Variants in NAV2 observed in about 807,000 individuals in gnomAD.
NAV2 encodes neuron navigator 2.
A neutral mutation model predicts 223.2 loss-of-function variants in NAV2; 54 were observed. The ratio of observed to expected loss-of-function variants is 0.24; its 90% CI spans 0.19 to 0.30. NAV2 has a LOEUF of 0.30. Among genes scored for constraint, NAV2 ranks in the 10% least tolerant of loss-of-function variants. The pLI, the probability that NAV2 is intolerant of heterozygous loss-of-function variation, is 1.00. For missense variants in NAV2, 2,806 were observed against 3,147.5 expected (o/e 0.89, Z 2.60); for synonymous variants, 1,279 against 1,239.3 (o/e 1.03, Z -0.67).
At chr11:19,607,290 C>T (rs1163682853) in intron 1 of NAV2, among the ~76,000 whole-genome samples, 1 of 152,184 alleles carries the variant, frequency 6.6e-6, no homozygotes, top group African/African-American at 2.4e-5. Flanking sequence ...AACGGGGAGC[C>T]CTCTTGGCCC....
intron 1 of NAV2, among the ~76,000 whole-genome samples, chr11:19,365,317 A>T (rs925958130): frequency 6.6e-6 from 1 of 151,616 alleles, no homozygotes; most frequent in Non-Finnish European, 1.5e-5. Flanking sequence ...TTCTTCTCTC[A>T]CTCCTTTCAG....
At chr11:19,671,769 A>G (rs1279671751) in intron 1 of NAV2, among the ~76,000 whole-genome samples, 3 of 152,254 alleles carry the variant, frequency 2.0e-5, no homozygotes, top group Admixed American at 6.5e-5. Flanking sequence ...TGTAAAAACC[A>G]TTCTTAGCTC....
chr11:20,044,808 G>A (rs769494981), intron 13 of NAV2, among the ~76,000 whole-genome samples, 160 bp from the exon 14 acceptor site: 7 of 152,066 alleles, frequency 4.6e-5, no homozygotes, highest in East Asian at 1.9e-4. Flanking sequence ...AAAGGCTCAC[G>A]GTACATTAGT....
intron 1 of NAV2, among the ~76,000 whole-genome samples, chr11:19,831,231 G>GC (rs1229296667): frequency 9.8e-6 from 1 of 101,916 alleles, no homozygotes; most frequent in Non-Finnish European, 2.0e-5. Flanking sequence ...TGCGGGGGGG[G>GC]GGGGGGCGCG....
At chr11:19,406,384 G>T (rs1315937544) in intron 1 of NAV2, among the ~76,000 whole-genome samples, 1 of 152,172 alleles carries the variant, frequency 6.6e-6, no homozygotes, top group African/African-American at 2.4e-5. Context: ...GAAGCACCGC[G>T]CAGAACGGCA....
At chr11:19,898,663 AT>A (rs1354260229) in intron 6 of NAV2, among the ~76,000 whole-genome samples, 2 of 152,228 alleles carry the variant, frequency 1.3e-5, no homozygotes, top group East Asian at 3.9e-4. Flanking sequence ...TGTTTTTTAC[AT>A]GTATATAACC....
At chr11:19,361,046 GAA>G (rs1157964699) in intron 1 of NAV2, among the ~76,000 whole-genome samples, 1 of 151,966 alleles carries the variant, frequency 6.6e-6, no homozygotes, top group East Asian at 1.9e-4. Flanking sequence ...AAAGTCCTGG[GAA>G]AAAGTCCAGA....
At chr11:19,519,570 G>A (rs951502789) in intron 1 of NAV2, among the ~76,000 whole-genome samples, 5 of 152,174 alleles carry the variant, frequency 3.3e-5, no homozygotes, top group African/African-American at 7.2e-5. Context: ...TGCGTGCTCT[G>A]TAACTAGTTG....
intron 1 of NAV2, among the ~76,000 whole-genome samples, chr11:19,684,334 C>T (rs1554994408): frequency 6.6e-6 from 1 of 152,124 alleles, no homozygotes; most frequent in Non-Finnish European, 1.5e-5. Flanking sequence ...GGTATTGACT[C>T]ATGTGTCAAT....
intron 1 of NAV2, among the ~76,000 whole-genome samples, chr11:19,366,177 T>G (rs1417583155): frequency 1.3e-5 from 2 of 151,880 alleles, no homozygotes; most frequent in African/African-American, 4.8e-5. Context: ...CCAGCTGGGG[T>G]GAGGAGTGAG....
At chr11:19,360,654 A>G (rs1211755682) in intron 1 of NAV2, among the ~76,000 whole-genome samples, 1 of 152,194 alleles carries the variant, frequency 6.6e-6, no homozygotes, top group African/African-American at 2.4e-5. Context: ...TTGAGGGTGG[A>G]TCGCTCCAGA....
chr11:19,888,569 C>A (rs7939327), intron 5 of NAV2, among the ~76,000 whole-genome samples: 2,360 of 152,294 alleles, frequency 0.015, 60 homozygotes, highest in African/African-American at 0.053. Context: ...TGCTTTTCAC[C>A]TCTACCTGTG....
At chr11:19,706,088 G>A (rs1438212180) in intron 1 of NAV2, among the ~76,000 whole-genome samples, 3 of 152,152 alleles carry the variant, frequency 2.0e-5, no homozygotes, top group Admixed American at 6.5e-5. Context: ...GAATATGGAA[G>A]GAAGTGATAT....
intron 20 of NAV2, among the ~76,000 whole-genome samples, chr11:20,066,153 T>C (rs1165429025): frequency 6.6e-6 from 1 of 152,208 alleles, no homozygotes; most frequent in Non-Finnish European, 1.5e-5. Flanking sequence ...TGGTAAGCAT[T>C]CAATAAATGC....
intron 1 of NAV2, among the ~76,000 whole-genome samples, chr11:19,610,141 G>A (rs1006099327): frequency 2.0e-5 from 3 of 152,228 alleles, no homozygotes; most frequent in Admixed American, 6.5e-5. Flanking sequence ...GCTCATGGGT[G>A]GGGGTGACAG....
chr11:19,957,699 G>A (rs1480222453), intron 10 of NAV2, among the ~76,000 whole-genome samples: 1 of 152,198 alleles, frequency 6.6e-6, no homozygotes, highest in African/African-American at 2.4e-5. Flanking sequence ...CACTGGAGGA[G>A]GAGAAATTCT....
At chr11:19,842,077 C>T (rs530585806) in intron 2 of NAV2, among the ~76,000 whole-genome samples, 2 of 152,282 alleles carry the variant, frequency 1.3e-5, no homozygotes, top group East Asian at 3.9e-4. Flanking sequence ...CACTATGCTA[C>T]GGCCTTTCTT....
intron 1 of NAV2, among the ~76,000 whole-genome samples, chr11:19,372,860 C>A (rs1412830339): frequency 6.6e-6 from 1 of 152,194 alleles, no homozygotes; most frequent in Non-Finnish European, 1.5e-5. Context: ...AGGAAAGATT[C>A]ATTTTAACCT....
intron 14 of NAV2, among the ~76,000 whole-genome samples, chr11:20,046,596 TCACACA>T (rs61668060): frequency 6.9e-5 from 10 of 145,850 alleles, no homozygotes; most frequent in South Asian, 2.2e-4. Context: ...CCCCTCCCCA[TCACACA>T]CACACACACA....
Sources: allele counts gnomAD v4.1 joint callset (sites outside exome capture counted in the v4.1 genomes callset), GRCh38; gene constraint gnomAD v4.1.1; transcripts MANE v1.5; gene names NCBI Gene and HGNC (gene_info 2026-07-23, HGNC 2026-07-21).